ERLEC1: variants seen among roughly 807,000 people sequenced by gnomAD.
ERLEC1 encodes the protein ER lectin.
ERLEC1 carries 47 observed loss-of-function variants against 68.0 expected under a neutral mutation model. The ratio of observed to expected loss-of-function variants is 0.69; its 90% confidence interval spans 0.55 to 0.88. ERLEC1 has a LOEUF of 0.88. Among genes scored for constraint, ERLEC1 ranks in the 40% least tolerant of loss-of-function variants. ERLEC1 has a pLI of 0.00. For missense variants in ERLEC1, 567 were observed against 583.8 expected (o/e 0.97, Z 0.30); for synonymous variants, 225 against 203.2 (o/e 1.11, Z -0.91).
rs777632156 is a variant in ERLEC1, at chr2:53,814,995, C to CTTTTT, written c.1380+77_1380+81dup. 4.5e-4 allele frequency: 213 copies of CTTTTT among 470,030 alleles called. 1 individual carries two copies. The highest frequency in any genetic ancestry group is 1.0e-3 in the East Asian group (18 of 17,576). The allele number at this position is 470,030 out of a possible 1,614,324, so 29.1% of individuals were successfully genotyped here. A position where few individuals can be genotyped will look rare whatever the true frequency, so the allele number is the denominator to read the frequency against. The stretch of plus-strand genomic sequence containing the variant: ...TTGAGCCATGTTTTAATTTTTTTTT[C>CTTTTT]TTTTTTTTTTTTTTTTTTTTTGTTT... On this transcript the variant is annotated intron_variant, in intron 13 of 13. Transcript: ENST00000185150.
intron 1 of ERLEC1, among the ~76,000 whole-genome samples, chr2:53,790,555 A>G (rs1353463503): frequency 6.6e-6 from 1 of 152,218 alleles, no homozygotes; most frequent in East Asian, 1.9e-4. Context: ...CCATTCAGAT[A>G]TATCAAAACA....
At chr2:53,798,423 A>G (rs1244162368) in intron 5 of ERLEC1, among the ~76,000 whole-genome samples, 2 of 151,812 alleles carry the variant, frequency 1.3e-5, no homozygotes, top group East Asian at 2.0e-4. Flanking sequence ...CACCATGCCC[A>G]CTAATTTTCG....
intron 1 of ERLEC1, 47 bp from the exon 2 acceptor site, chr2:53,794,298 T>C (rs1460128694): frequency 3.7e-6 from 3 of 820,898 alleles, no homozygotes; most frequent in Non-Finnish European, 5.8e-6. Context: ...TTCAGTGTGA[T>C]ACAATTTCAC....
intron 1 of ERLEC1, among the ~76,000 whole-genome samples, chr2:53,790,418 T>C (rs1675328262): frequency 6.6e-6 from 1 of 151,882 alleles, no homozygotes; most frequent in Non-Finnish European, 1.5e-5. Flanking sequence ...CATTTGTATC[T>C]AACTAATATG....
chr2:53,811,178 A>G (rs1172118029), intron 10 of ERLEC1, among the ~76,000 whole-genome samples: 12 of 152,204 alleles, frequency 7.9e-5, no homozygotes, highest in Admixed American at 7.9e-4. Flanking sequence ...CATTCTTTTC[A>G]GCAGATACAG....
At chr2:53,808,697 CAT>C (rs1456149909) in intron 9 of ERLEC1, among the ~76,000 whole-genome samples, 1 of 152,170 alleles carries the variant, frequency 6.6e-6, no homozygotes, top group Non-Finnish European at 1.5e-5. Flanking sequence ...GTCTGGCAAT[CAT>C]ATGTGATTCT....
chr2:53,801,820 T>TTA lies in ERLEC1; in HGVS notation c.857_858insTA (p.Pro287SerfsTer44). 1 of 1,613,756 alleles carries TTA rather than the reference T, an allele frequency of 6.2e-7. No individual in the cohort carries two copies. The highest frequency in any genetic ancestry group is 8.5e-7 in the Non-Finnish European group (1 of 1,179,808). ...GAGCAGCAGGAAGAAATACTAAGGG[T>TTA]GCCTTTTAGGAGAAATAAAGAGGTA... On this transcript the variant is annotated frameshift_variant, in exon 8 of 14. Transcript: ENST00000185150. LOFTEE classifies it high-confidence loss of function.
rs867871400 is a variant in ERLEC1 at position 53,813,875 on chromosome 2, G to T, written c.1227-668G>T. Reference sequence around the variant, plus strand: ...ACATATGTATACATGTGCCATGCTGGTGTGCTGCACCCATTAACTCATCAT... The same window carrying T: ...ACATATGTATACATGTGCCATGCTGTTGTGCTGCACCCATTAACTCATCAT... On this transcript the variant is annotated intron_variant, in intron 11 of 13. Coordinates refer to ENST00000185150, the MANE Select transcript of ERLEC1 (RefSeq NM_015701.5). Among the ~76,000 whole-genome samples, 3 of 152,008 alleles carry T rather than the reference G, an allele frequency of 2.0e-5. No individual in the cohort carries two copies. In the South Asian group the frequency reaches 6.2e-4, roughly 32 times the overall value.
chr2:53,792,092 T>A (rs1161722554), intron 1 of ERLEC1, among the ~76,000 whole-genome samples: 1 of 152,028 alleles, frequency 6.6e-6, no homozygotes, highest in Non-Finnish European at 1.5e-5. Context: ...TTTTTTGTAT[T>A]TTTAGTAGAG....
At chr2:53,812,818 C>T (rs1028452376) in intron 10 of ERLEC1, 131 bp from the exon 11 acceptor site, 1 of 855,150 alleles carries the variant, frequency 1.2e-6, no homozygotes, top group Non-Finnish European at 1.8e-6. Context: ...ATTTGACTGA[C>T]ATCATTACAC....
In ERLEC1 at chr2:53,818,259, C is replaced by A; in HGVS notation, c.*290C>A. ...AAATCTCATCCAAGCAAGTTAGAGT[C>A]CAGCCTAATCAAATGTCATAATTGT... On this transcript the variant is annotated 3_prime_UTR_variant, in exon 14 of 14. Transcript: ENST00000185150. The A allele has an allele frequency of 4.3e-6, 1 of 232,056 alleles. No individual in the cohort carries two copies. Among genetic ancestry groups the A allele is most frequent in the Non-Finnish European group, 8.5e-6 (1 of 117,956 alleles). The allele number at this position is 232,056 out of a possible 1,614,324, so 14.4% of individuals were successfully genotyped here. A position where few individuals can be genotyped will look rare whatever the true frequency, so the allele number is the denominator to read the frequency against.
rs562361582 is a variant in ERLEC1, at chr2:53,817,650, C to T, written c.1381-248C>T. ...ATAAGAGCTATGTGTTCCTCTCTTA[C>T]TCCTGTCCTTTGTTCCTTTTCCCTC... On this transcript the variant is annotated intron_variant, in intron 13 of 13. Transcript: ENST00000185150. Among the ~76,000 whole-genome samples the T allele has an allele frequency of 5.3e-5, 8 of 152,230 alleles. No homozygotes were observed. In the South Asian group the frequency reaches 8.3e-4, roughly 16 times the overall value.
At chr2:53,813,621 C>T (rs368291532) in intron 11 of ERLEC1, among the ~76,000 whole-genome samples, 4 of 152,118 alleles carry the variant, frequency 2.6e-5, no homozygotes, top group South Asian at 2.1e-4. Context: ...AGAATAACTA[C>T]GCATTAGCTT....
chr2:53,811,454 C>A (rs1676587142), intron 10 of ERLEC1, among the ~76,000 whole-genome samples: 2 of 152,196 alleles, frequency 1.3e-5, no homozygotes, highest in Admixed American at 6.5e-5. Flanking sequence ...CACTTGCCAA[C>A]ACTAGGTTTT....
In ERLEC1 at chr2:53,809,225, G is replaced by T. The variant is rs1257981846; in HGVS notation, c.1053G>T (p.Trp351Cys). 1 of 1,581,676 alleles carries T rather than the reference G, an allele frequency of 6.3e-7. No individual in the cohort carries two copies. The highest frequency in any genetic ancestry group is 8.5e-7 in the Non-Finnish European group (1 of 1,170,950). The change falls in exon 10 of 14, where the codon TGG (tryptophan) becomes TGT (cysteine). Residue 351 changes from tryptophan to cysteine, a missense_variant. Coordinates refer to ENST00000185150, the MANE Select transcript of ERLEC1 (RefSeq NM_015701.5). The stretch of plus-strand genomic sequence containing the variant: ...TTCTTTTTTTTTAGGGTGTCGGTTG[G>T]TGGAAATATGAATTCTGCTATGGCA... ...GSYCFRGGVGWWKYEFCYGKH... is the reference protein window; with the variant it reads ...GSYCFRGGVGCWKYEFCYGKH...
chr2:53,812,957 T>C lies in ERLEC1; in HGVS notation c.1110T>C (p.Asp370=), dbSNP rs1676671261. 1.2e-6 allele frequency: 2 copies of C among 1,609,584 alleles called. No individual in the cohort carries two copies. Among genetic ancestry groups the C allele is most frequent in the Admixed American group, 1.7e-5 (1 of 58,444 alleles). The change falls in exon 11 of 14, where the codon GAT becomes GAC. Residue 370 remains aspartate (D), a synonymous_variant. Coordinates refer to ENST00000185150, the MANE Select transcript of ERLEC1 (RefSeq NM_015701.5). ...KHVHQYHEDK[D]SGKTSVVVGT... ...TTTTTTTCCCATATTAGGACAAGGA[T>C]AGTGGGAAAACCTCTGTGGTTGTCG...
chr2:53,798,950 A>G (rs1348141704), intron 5 of ERLEC1, 97 bp from the exon 6 acceptor site: 1 of 990,572 alleles, frequency 1.0e-6, no homozygotes, highest in East Asian at 2.5e-5. Context: ...GACCTTCTTT[A>G]GAAAGAAGAT....
chr2:53,812,028 C>G (rs1025221772), intron 10 of ERLEC1, among the ~76,000 whole-genome samples: 1 of 152,174 alleles, frequency 6.6e-6, no homozygotes, highest in Non-Finnish European at 1.5e-5. Flanking sequence ...AGTGATTCTC[C>G]TGCCTCAGCC....
At chr2:53,798,348 A>C (rs1053001026) in intron 5 of ERLEC1, among the ~76,000 whole-genome samples, 3 of 150,940 alleles carry the variant, frequency 2.0e-5, no homozygotes, top group Admixed American at 2.0e-4. Flanking sequence ...TGCAGCCTTG[A>C]CCTCCTGGGC....
Sources: gnomAD v4.1 joint callset for allele counts (sites outside exome capture counted in the v4.1 genomes callset) on GRCh38, gnomAD v4.1.1 for gene constraint, MANE v1.5 for transcripts, NCBI Gene and HGNC (gene_info 2026-07-23, HGNC 2026-07-21) for gene names.